Variants in C12orf42 observed in about 807,000 individuals in gnomAD.
The protein encoded by C12orf42 is uncharacterized protein C12orf42.
A neutral mutation model predicts 21.6 loss-of-function variants in C12orf42; 25 were observed. The ratio of observed to expected loss-of-function variants is 1.16; its 90% CI spans 0.84 to 1.62. The LOEUF (loss-of-function observed/expected upper bound fraction) is 1.62. Among genes scored for constraint, C12orf42 ranks in the 40% most tolerant of loss-of-function variants. The pLI is 0.00. For synonymous variants in C12orf42, 174 were observed against 175.0 expected (o/e 0.99, Z 0.05); for missense variants, 483 against 459.3 (o/e 1.05, Z -0.47).
At chr12:103,067,477 T>C in the C12orf42 span, among the ~76,000 whole-genome samples, 2 of 152,174 alleles carry the variant, frequency 1.3e-5, no homozygotes, top group African/African-American at 4.8e-5. Flanking sequence ...TTTGCAGAGC[T>C]GGGACAGAGT....
At chr12:103,477,006 A>G (rs1436185414) in intron 2 of C12orf42, 1 of 152,160 alleles carries the variant, frequency 6.6e-6, no homozygotes, top group African/African-American at 2.4e-5. Flanking sequence ...GATCCAGCTT[A>G]CTGAAAAAAA....
chr12:103,539,832 G>C, the C12orf42 span, among the ~76,000 whole-genome samples: 1 of 152,036 alleles, frequency 6.6e-6, no homozygotes, highest in East Asian at 1.9e-4. Flanking sequence ...GCCCGCCTTG[G>C]CTTCCCAAAG....
At chr12:103,307,754 A>T (rs2038517545) in intron 4 of C12orf42, among the ~76,000 whole-genome samples, 1 of 151,998 alleles carries the variant, frequency 6.6e-6, no homozygotes, top group African/African-American at 2.4e-5. Flanking sequence ...GGGCATGCAC[A>T]TGTGTGCACA....
chr12:103,298,522 C>T (rs2136427639), downstream of C12orf42, among the ~76,000 whole-genome samples: 1 of 152,270 alleles, frequency 6.6e-6, no homozygotes, highest in East Asian at 1.9e-4. Flanking sequence ...TGAAAATGGC[C>T]ATACTGCCCA....
chr12:103,150,050 A>G, the C12orf42 span, among the ~76,000 whole-genome samples: 6 of 152,160 alleles, frequency 3.9e-5, no homozygotes, highest in African/African-American at 4.8e-5. Flanking sequence ...GTTAGCTCAA[A>G]TCTAGGAAAT....
chr12:103,378,816 A>G (rs1181180807), intron 3 of C12orf42: 4 of 152,222 alleles, frequency 2.6e-5, no homozygotes, highest in Non-Finnish European at 5.9e-5. Context: ...TTTAAGAGTA[A>G]CAATTGTTGC....
intron 1 of C12orf42, among the ~76,000 whole-genome samples, chr12:103,494,474 C>T (rs1242153468): frequency 6.6e-6 from 1 of 151,934 alleles, no homozygotes; most frequent in African/African-American, 2.4e-5. Context: ...TTTTTTTAAG[C>T]CTTTATTGGC....
At chr12:103,308,426 A>T (rs969950468) in intron 4 of C12orf42, among the ~76,000 whole-genome samples, 2 of 152,240 alleles carry the variant, frequency 1.3e-5, no homozygotes, top group Non-Finnish European at 2.9e-5. Context: ...TTTTACTCTT[A>T]TAATTCAGAA....
intron 4 of C12orf42, among the ~76,000 whole-genome samples, chr12:103,281,923 G>GAA (rs1310401976): frequency 3.0e-5 from 4 of 131,964 alleles, no homozygotes; most frequent in Non-Finnish European, 6.5e-5. Context: ...GAAAAAGAAA[G>GAA]AAAGAAAGAA....
the C12orf42 span, among the ~76,000 whole-genome samples, chr12:103,154,025 C>CAAAAA: frequency 0.015 from 765 of 51,064 alleles, 2 homozygotes; most frequent in East Asian, 0.024. Flanking sequence ...CAAATCTCAG[C>CAAAAA]AAAAAAAAAA....
chr12:103,367,774 C>T (rs775703918), intron 4 of C12orf42, among the ~76,000 whole-genome samples: 1 of 151,806 alleles, frequency 6.6e-6, no homozygotes, highest in Non-Finnish European at 1.5e-5. Context: ...TTATCCCCCC[C>T]CAAAAAAATT....
the C12orf42 span, chr12:103,506,309 C>G: frequency 7.6e-6 from 1 of 131,852 alleles, no homozygotes; most frequent in Admixed American, 7.8e-5. Context: ...ATCCCACCAC[C>G]CCCCCACACA....
At chr12:103,364,548 A>G (rs186531593) in intron 4 of C12orf42, among the ~76,000 whole-genome samples, 37 of 152,196 alleles carry the variant, frequency 2.4e-4, no homozygotes, top group African/African-American at 8.9e-4. Flanking sequence ...ATGAACAAAA[A>G]GTGTGTTCTT....
the C12orf42 span, among the ~76,000 whole-genome samples, chr12:103,231,726 G>C: frequency 1.3e-5 from 2 of 152,024 alleles, no homozygotes; most frequent in East Asian, 3.9e-4. Flanking sequence ...AAAATAACTT[G>C]GATTCTTCCA....
At chr12:103,097,992 G>A in the C12orf42 span, among the ~76,000 whole-genome samples, 1 of 152,182 alleles carries the variant, frequency 6.6e-6, no homozygotes, top group Non-Finnish European at 1.5e-5. Flanking sequence ...AGCTGTCCTC[G>A]TATGACCTGA....
intron 4 of C12orf42, among the ~76,000 whole-genome samples, chr12:103,314,596 G>A (rs2039282180): frequency 1.3e-5 from 2 of 152,148 alleles, no homozygotes; most frequent in African/African-American, 2.4e-5. Flanking sequence ...TCCCCAAGGT[G>A]AAAGTCTGAA....
At chr12:103,153,875 T>C in the C12orf42 span, among the ~76,000 whole-genome samples, 1 of 152,102 alleles carries the variant, frequency 6.6e-6, no homozygotes, top group East Asian at 1.9e-4. Flanking sequence ...ATAGCATCGC[T>C]ATTCACAGTA....
chr12:103,301,438 A>C (rs1157556827), downstream of C12orf42, among the ~76,000 whole-genome samples: 1 of 152,238 alleles, frequency 6.6e-6, no homozygotes, highest in African/African-American at 2.4e-5. Context: ...CTATATTAAC[A>C]AAATAAAAGG....
intron 4 of C12orf42, among the ~76,000 whole-genome samples, chr12:103,336,964 A>G (rs2041753625): frequency 6.6e-6 from 1 of 152,178 alleles, no homozygotes; most frequent in Non-Finnish European, 1.5e-5. Flanking sequence ...TTTTAGGTAC[A>G]ACCCTTGAAG....
Sources: gnomAD v4.1 joint callset for allele counts (sites outside exome capture counted in the v4.1 genomes callset) on GRCh38, gnomAD v4.1.1 for gene constraint, MANE v1.5 for transcripts, NCBI Gene and HGNC (gene_info 2026-07-23, HGNC 2026-07-21) for gene names.